MYO5B: variants seen among roughly 807,000 people sequenced by gnomAD.
MYO5B encodes the protein myosin VB, also known as unconventional myosin-Vb.
Under a neutral mutation model 229.3 loss-of-function variants are expected in MYO5B, and 143 were observed. The observed-to-expected ratio is 0.62, with a 90% CI of 0.54 to 0.72. The LOEUF is 0.72. MYO5B is among the 30% of genes least tolerant of loss of function. The probability of loss-of-function intolerance (pLI) is 0.00; values close to 1 mark genes in which losing one functional copy is unlikely to be tolerated. For missense variants in MYO5B, 2,321 were observed against 2,331.0 expected, an observed-to-expected ratio of 1.00 and a Z score of 0.09; for synonymous variants, 918 against 885.2, an observed-to-expected ratio of 1.04 and a Z score of -0.66.
chr18:50,023,278 T>C (rs976447441), intron 4 of MYO5B, among the ~76,000 whole-genome samples: 3 of 152,186 alleles, frequency 2.0e-5, no homozygotes, highest in African/African-American at 7.2e-5. Flanking sequence ...GGATTCTAAA[T>C]GGACACTGCC....
At chr18:49,853,354 TG>T in intron 31 of MYO5B, 94 bp downstream of exon 31, 1 of 1,267,670 alleles carries the variant, frequency 7.9e-7, no homozygotes, top group East Asian at 2.3e-5. Context: ...CCAAGGGTCA[TG>T]AACCTTGTCA....
At chr18:49,931,714 G>A (rs907480541) in intron 16 of MYO5B, among the ~76,000 whole-genome samples, 3 of 152,170 alleles carry the variant, frequency 2.0e-5, no homozygotes, top group African/African-American at 4.8e-5. Flanking sequence ...GCAGCTGCTC[G>A]GCTGCCCATG....
chr18:49,909,814 G>C (rs1367153155), intron 18 of MYO5B, among the ~76,000 whole-genome samples: 1 of 152,178 alleles, frequency 6.6e-6, no homozygotes, highest in Non-Finnish European at 1.5e-5. Flanking sequence ...CAAAAGAGGG[G>C]AAAAAGCATT....
chr18:49,965,974 TCATA>T (rs556138699), intron 10 of MYO5B, among the ~76,000 whole-genome samples: 149 of 152,280 alleles, frequency 9.8e-4, no homozygotes, highest in South Asian at 5.4e-3. Flanking sequence ...TTTCTCAGTG[TCATA>T]CATACAAAGT....
At chr18:50,042,225 G>T (rs889139084) in intron 2 of MYO5B, among the ~76,000 whole-genome samples, 1 of 152,004 alleles carries the variant, frequency 6.6e-6, no homozygotes. Flanking sequence ...CCAAGATATG[G>T]ACTCACTGAA....
chr18:49,875,055 G>C (rs1230782552), intron 26 of MYO5B, among the ~76,000 whole-genome samples: 1 of 152,176 alleles, frequency 6.6e-6, no homozygotes, highest in Non-Finnish European at 1.5e-5. Flanking sequence ...GTTATCTGCT[G>C]TCCTTTAATG....
chr18:50,020,648 G>A (rs1192699524), intron 4 of MYO5B, among the ~76,000 whole-genome samples: 1 of 152,226 alleles, frequency 6.6e-6, no homozygotes, highest in Non-Finnish European at 1.5e-5. Context: ...CACGCAGCAA[G>A]GATGTGGCTC....
chr18:50,012,778 GTT>G (rs2026176217), intron 4 of MYO5B, among the ~76,000 whole-genome samples: 2 of 152,214 alleles, frequency 1.3e-5, no homozygotes, highest in Non-Finnish European at 2.9e-5. Context: ...CAGCTGAATG[GTT>G]TGTTGAAAGC....
chr18:50,111,674 C>T (rs1341060318), intron 1 of MYO5B, among the ~76,000 whole-genome samples: 3 of 152,196 alleles, frequency 2.0e-5, no homozygotes, highest in African/African-American at 7.2e-5. Flanking sequence ...GCAATTATAA[C>T]CAGTAGTTAT....
chr18:49,875,838 A>G lies in MYO5B; in HGVS notation c.3397-11T>C. ...CTCCAGGCCAATTTCCTTCAAAGGA[A>G]GACAGGCACAGAAAAAAGGTTTTCC... On this transcript the variant is annotated splice_polypyrimidine_tract_variant and intron_variant, in intron 25 of 39. Transcript: ENST00000285039. 1 of 1,614,026 alleles carries G rather than the reference A, an allele frequency of 6.2e-7. No individual in the cohort carries two copies. The highest frequency in any genetic ancestry group is 8.5e-7 in the Non-Finnish European group (1 of 1,180,002).
At chr18:50,081,317 A>G (rs2031215087) in intron 1 of MYO5B, among the ~76,000 whole-genome samples, 1 of 152,152 alleles carries the variant, frequency 6.6e-6, no homozygotes, top group African/African-American at 2.4e-5. Flanking sequence ...CATGCTCCCA[A>G]TGGGAGGCTG....
chr18:50,160,638 G>A (rs1024184441), intron 1 of MYO5B, among the ~76,000 whole-genome samples: 1 of 152,102 alleles, frequency 6.6e-6, no homozygotes, highest in African/African-American at 2.4e-5. Flanking sequence ...AGAGGGTCGG[G>A]GGGTGGCTTG....
intron 4 of MYO5B, among the ~76,000 whole-genome samples, chr18:50,007,111 C>T (rs2026110006): frequency 1.3e-5 from 2 of 152,164 alleles, no homozygotes; most frequent in African/African-American, 4.8e-5. Flanking sequence ...GTTCTATCAC[C>T]CACACTCAGT....
Position 50,113,545 on chromosome 18 carries a change from T to C in MYO5B, c.28-58167A>G, listed in dbSNP as rs546792000. Among the ~76,000 whole-genome samples the C allele has an allele frequency of 3.9e-5, 6 of 152,352 alleles. No individual in the cohort carries two copies. In the East Asian group the frequency reaches 1.2e-3, roughly 29 times the overall value. On this transcript the variant is annotated intron_variant, in intron 1 of 39. Coordinates refer to ENST00000285039, the MANE Select transcript of MYO5B (RefSeq NM_001080467.3). Reference sequence around the variant, plus strand: ...TTAGGAAGCTGCTATCTCCTTTTCTTTATGCCTGAACATCAAGTGTGGCCT... The same window carrying C: ...TTAGGAAGCTGCTATCTCCTTTTCTCTATGCCTGAACATCAAGTGTGGCCT...
At chr18:49,922,786 AGTG>A (rs2144182698) in intron 17 of MYO5B, among the ~76,000 whole-genome samples, 1 of 152,258 alleles carries the variant, frequency 6.6e-6, no homozygotes, top group East Asian at 1.9e-4. Context: ...TACAAAAAGA[AGTG>A]GTACAAATAC....
chr18:50,065,831 T>C (rs72915741), intron 1 of MYO5B, among the ~76,000 whole-genome samples: 1 of 152,198 alleles, frequency 6.6e-6, no homozygotes, highest in Non-Finnish European at 1.5e-5. Flanking sequence ...AGCTGAATCC[T>C]AGATGGATAA....
chr18:50,134,897 TACTC>T (rs1188276385), intron 1 of MYO5B, among the ~76,000 whole-genome samples: 2 of 152,186 alleles, frequency 1.3e-5, no homozygotes, highest in African/African-American at 4.8e-5. Context: ...TACAGACACT[TACTC>T]AGATCTGTCT....
chr18:49,863,216 G>A lies in MYO5B; in HGVS notation c.3944+11C>T, dbSNP rs377260093. The A allele has an allele frequency of 1.2e-5, 19 of 1,608,810 alleles. No homozygotes were observed. Among genetic ancestry groups the A allele is most frequent in the Middle Eastern group, 2.1e-4 (1 of 4,856 alleles). Reference sequence around the variant, plus strand: ...GGCCTCGTCCAGCACATTTGACCGCGGCGGCCTTACCTGTTTGTCTGGCAG... The same window carrying A: ...GGCCTCGTCCAGCACATTTGACCGCAGCGGCCTTACCTGTTTGTCTGGCAG... On this transcript the variant is annotated intron_variant, in intron 29 of 39. Transcript: ENST00000285039.
At chr18:49,974,802 C>CACACACACACACAT (rs2025731789) in intron 9 of MYO5B, among the ~76,000 whole-genome samples, 187 bp from the exon 10 acceptor site, 1 of 148,554 alleles carries the variant, frequency 6.7e-6, no homozygotes, top group Non-Finnish European at 1.5e-5. Context: ...CACACAGACA[C>CACACACACACACAT]ACACACACAC....
Sources: gnomAD v4.1 joint callset for allele counts (sites outside exome capture counted in the v4.1 genomes callset) on GRCh38, gnomAD v4.1.1 for gene constraint, MANE v1.5 for transcripts, NCBI Gene and HGNC (gene_info 2026-07-23, HGNC 2026-07-21) for gene names.